The following SALL1 variants were observed in gnomAD, a reference collection of about 807,000 sequenced individuals.
SALL1 encodes the protein sal-like protein 1.
In SALL1, 10 loss-of-function variants were observed where a neutral mutation model predicts 73.1. The ratio of observed to expected loss-of-function variants is 0.14; its 90% CI spans 0.08 to 0.23. SALL1 has a LOEUF of 0.23. Among genes scored for constraint, SALL1 ranks in the 10% least tolerant of loss-of-function variants. The pLI is 1.00. For synonymous variants in SALL1, 688 were observed against 689.8 expected (o/e 1.00, Z 0.04); for missense variants, 1,520 against 1,697.3 (o/e 0.90, Z 1.84).
At chr16:51,147,790 C>CAT (rs1414616339) in intron 1 of SALL1, among the ~76,000 whole-genome samples, 8 of 151,764 alleles carry the variant, frequency 5.3e-5, no homozygotes, top group Non-Finnish European at 1.0e-4. Context: ...AACACACACA[C>CAT]ACACACACAC....
intron 1 of SALL1, among the ~76,000 whole-genome samples, chr16:51,149,041 A>T: frequency 6.6e-6 from 1 of 152,202 alleles, no homozygotes; most frequent in East Asian, 1.9e-4. Flanking sequence ...AGAAGGAGAG[A>T]AAAGAGAAAG....
Position 51,141,956 on chromosome 16 carries a change from G to A in SALL1, c.266C>T (p.Pro89Leu). Residue 89 changes from proline to leucine, a missense_variant, in exon 2 of 3, where the codon CCC (proline) becomes CTC (leucine). Coordinates refer to ENST00000251020, the MANE Select transcript of SALL1 (RefSeq NM_002968.3). This position sits in a 1 kb window ranked among gnomAD's most constrained non-coding sequence, Gnocchi z 5.4. ...ASPPETFSPS[P>L]PPDNPDEQMN... ...TTGTTCATCAGGATTATCAGGAGGG[G>A]GGCTGGGGGAGAAGGTTTCGGGTGG... is the stretch of plus-strand genomic sequence containing the variant. The A allele has an allele frequency of 6.2e-7, 1 of 1,613,992 alleles. No individual in the cohort carries two copies. Among genetic ancestry groups the A allele is most frequent in the South Asian group, 1.1e-5 (1 of 91,064 alleles).
Position 51,140,868 on chromosome 16 carries a change from T to C in SALL1, c.1354A>G (p.Arg452Gly), listed in dbSNP as rs1208527449. Residue 452 changes from arginine to glycine, a missense_variant, in exon 2 of 3, where the codon AGG (arginine) becomes GGG (glycine). Physicochemically the swap from Arg to Gly is moderately radical, Grantham distance 125. Transcript: ENST00000251020. This position sits in a 1 kb window ranked among gnomAD's most constrained non-coding sequence, Gnocchi z 5.7. ...CTCCCAAAGACCTTCGCGCAGAACC[T>C]GCACTTGTGTTTGAAGAATGCCTCA... ...SDEAFFKHKC[R>G]FCAKVFGSDS... 6.2e-7 allele frequency: 1 copy of C among 1,614,136 alleles called. No individual in the cohort carries two copies. Among genetic ancestry groups the C allele is most frequent in the Non-Finnish European group, 8.5e-7 (1 of 1,180,062 alleles).
chr16:51,141,270 G>T lies in SALL1; in HGVS notation c.952C>A (p.Pro318Thr), dbSNP rs752104341. 1 of 1,614,132 alleles carries T rather than the reference G, an allele frequency of 6.2e-7. No individual in the cohort carries two copies. The highest frequency in any genetic ancestry group is 8.5e-7 in the Non-Finnish European group (1 of 1,180,026). The change falls in exon 2 of 3, where the codon CCA (proline) becomes ACA (threonine). Residue 318 changes from proline (P) to threonine (T), a missense_variant. This residue lies in a region of SALL1 where 540 missense variants were observed against 567.5 expected (regional missense o/e 0.95). Transcript: ENST00000251020. The surrounding 1 kb of genome is among the most constrained non-coding windows in gnomAD (Gnocchi z 5.4). ...GAACTGCTCTGAGGTAGCTGGATTG[G>T]GGGTAGCTGTTTCACACCACTAATG... ...ASISGVKQLPPIQLPQSSSGN... is the reference protein window; with the variant it reads ...ASISGVKQLPTIQLPQSSSGN...
At position 51,141,914 on chromosome 16, in the gene SALL1, T is replaced by C; in HGVS notation, c.308A>G (p.Asn103Ser). The change falls in exon 2 of 3, where the codon AAC becomes AGC. Residue 103 changes from asparagine (N) to serine (S), a missense_variant. Asn to Ser is a conservative substitution (Grantham distance 46). Around this residue, in one of 7 missense-constraint regions of SALL1, gnomAD observed 540 missense variants for 567.5 expected, o/e 0.95. Coordinates refer to ENST00000251020, the MANE Select transcript of SALL1 (RefSeq NM_002968.3). The surrounding 1 kb of genome is among the most constrained non-coding windows in gnomAD (Gnocchi z 5.4). ...NPDEQMNDTV[N>S]KTDQVDCSDL... ...GCTGCAGTCCACTTGATCTGTTTTG[T>C]TAACTGTGTCATTCATTTGTTCATC... The C allele has an allele frequency of 1.2e-6, 2 of 1,614,026 alleles. No homozygotes were observed. The highest frequency in any genetic ancestry group is 1.7e-6 in the Non-Finnish European group (2 of 1,180,034).
In SALL1 at chr16:51,143,535, A is replaced by C. The variant is rs866166896; in HGVS notation, c.77-1390T>G. On this transcript the variant is annotated intron_variant, in intron 1 of 2. Transcript: ENST00000251020. ...TTGAATCTCCCAGAAAACTTGCAGAAAACAAAGTAATTGCAGATATGAATA... is the reference window on the plus strand; with the variant it reads ...TTGAATCTCCCAGAAAACTTGCAGACAACAAAGTAATTGCAGATATGAATA... The C allele has an allele frequency of 2.1e-4, 34 of 161,192 alleles. No homozygotes were observed. In the Middle Eastern group the frequency reaches 0.017, roughly 81 times the overall value. 10.0% of individuals were successfully genotyped at this position (161,192 alleles called of 1,614,324 possible).
rs864621971 is a variant in SALL1, at chr16:51,141,273, G to A, written c.949C>T (p.Pro317Ser). Residue 317 changes from proline to serine, a missense_variant, in exon 2 of 3, where the codon CCC (proline) becomes TCC (serine). Physicochemically the swap from Pro to Ser is moderately conservative, Grantham distance 74. Transcript: ENST00000251020. The surrounding 1 kb of genome is among the most constrained non-coding windows in gnomAD (Gnocchi z 5.4). ...SASISGVKQLPPIQLPQSSSG... is the reference protein window; with the variant it reads ...SASISGVKQLSPIQLPQSSSG... ...CTGCTCTGAGGTAGCTGGATTGGGGGTAGCTGTTTCACACCACTAATGCTG... is the reference window on the plus strand; with the variant it reads ...CTGCTCTGAGGTAGCTGGATTGGGGATAGCTGTTTCACACCACTAATGCTG... The A allele has an allele frequency of 5.6e-6, 9 of 1,614,138 alleles. No homozygotes were observed. The Admixed American group carries it at 6.7e-5, about 12-fold the overall frequency.
At position 51,141,663 on chromosome 16, in the gene SALL1, T is replaced by C. The variant is rs755097071; in HGVS notation, c.559A>G (p.Asn187Asp). The C allele has an allele frequency of 2.5e-6, 4 of 1,613,460 alleles. No homozygotes were observed. The South Asian group carries it at 4.4e-5, about 18-fold the overall frequency. Residue 187 changes from asparagine to aspartate, a missense_variant, in exon 2 of 3, where the codon AAC becomes GAC. Coordinates refer to ENST00000251020, the MANE Select transcript of SALL1 (RefSeq NM_002968.3). The surrounding 1 kb of genome is among the most constrained non-coding windows in gnomAD (Gnocchi z 5.4). ...PQLGDLTTLG[N>D]FSVINSNVII... ...ACGTTGCTGTTGATTACGGAGAAGT[T>C]GCCCAGTGTTGTCAGGTCCCCGAGT... is the stretch of plus-strand genomic sequence containing the variant.
chr16:51,140,518 G>A lies in SALL1; in HGVS notation c.1704C>T (p.Pro568=). 1 of 1,614,026 alleles carries A rather than the reference G, an allele frequency of 6.2e-7. No homozygotes were observed. Among genetic ancestry groups the A allele is most frequent in the Non-Finnish European group, 8.5e-7 (1 of 1,179,948 alleles). Residue 568 remains proline (P), a synonymous_variant, in exon 2 of 3, where the codon CCC becomes CCT. Coordinates refer to ENST00000251020, the MANE Select transcript of SALL1 (RefSeq NM_002968.3). This position sits in a 1 kb window ranked among gnomAD's most constrained non-coding sequence, Gnocchi z 5.7. ...PLPPTLPSLI[P]FIKTEEPAPI... is the part of the protein sequence containing the mutation. ...GGGCTGGCTCTTCCGTCTTGATGAA[G>A]GGTATGAGGCTTGGGAGGGTTGGGG...
Position 51,137,596 on chromosome 16 carries a change from GAA to G in SALL1, c.3535-46_3535-45del, listed in dbSNP as rs769426239. 13 of 1,331,144 alleles carry G rather than the reference GAA, an allele frequency of 9.8e-6. No individual in the cohort carries two copies. In the Admixed American group the frequency reaches 1.2e-4, roughly 12 times the overall value. The allele number at this position is 1,331,144 out of a possible 1,614,324, so 82.5% of individuals were successfully genotyped here. ...AGGCAGAGAGACAGAGAGAGAGAGA[GAA>G]AAAAAAGAGGAGGGGGAGAGAAGCT... On this transcript the variant is annotated intron_variant, in intron 2 of 2. Coordinates refer to ENST00000251020, the MANE Select transcript of SALL1 (RefSeq NM_002968.3).
intron 1 of SALL1, among the ~76,000 whole-genome samples, chr16:51,145,480 G>A (rs1271973990): frequency 6.6e-6 from 1 of 152,092 alleles, no homozygotes; most frequent in Non-Finnish European, 1.5e-5. Flanking sequence ...GGTTTTCTAA[G>A]TATGTGCACA....
Position 51,139,042 on chromosome 16 carries a change from G to C in SALL1, c.3180C>G (p.Leu1060=). 2 of 1,614,224 alleles carry C rather than the reference G, an allele frequency of 1.2e-6. No individual in the cohort carries two copies. Among genetic ancestry groups the C allele is most frequent in the Non-Finnish European group, 1.7e-6 (2 of 1,180,046 alleles). The change falls in exon 2 of 3, where the codon CTC becomes CTG. Residue 1060 remains leucine, a synonymous_variant. Coordinates refer to ENST00000251020, the MANE Select transcript of SALL1 (RefSeq NM_002968.3). ...THQMRDLPSQ[L]FEPSSNLGPN... ...GGCCAAGGTTGGAACTGGGCTCAAAGAGCTGGGATGGCAGATCTCGCATCT... is the reference window on the plus strand; with the variant it reads ...GGCCAAGGTTGGAACTGGGCTCAAACAGCTGGGATGGCAGATCTCGCATCT...
chr16:51,152,173 A>T (rs925404540), upstream of SALL1: 1 of 151,858 alleles, frequency 6.6e-6, no homozygotes, highest in Admixed American at 6.6e-5. Flanking sequence ...GGATCCAGGA[A>T]AGGTTTGGGA....
rs145285801 is a variant in SALL1, at chr16:51,147,780, A to AACACACACACACACACACAC, written c.76+3366_76+3385dup. On this transcript the variant is annotated intron_variant, in intron 1 of 2. Coordinates refer to ENST00000251020, the MANE Select transcript of SALL1 (RefSeq NM_002968.3). ...AAAACGCCACCAAAGGAAGAACTCC[A>AACACACACACACACACACAC]ACACACACACACACACACACACACA... 9.0e-3 allele frequency among the ~76,000 whole-genome samples: 1,313 copies of AACACACACACACACACACAC among 146,268 alleles called. 13 individuals carry two copies. Among genetic ancestry groups the AACACACACACACACACACAC allele is most frequent in the Non-Finnish European group, 0.014 (946 of 66,360 alleles).
rs1200702404 is a variant in SALL1, at chr16:51,140,324, G to A, written c.1898C>T (p.Ser633Leu). 4.3e-6 allele frequency: 7 copies of A among 1,614,126 alleles called. No individual in the cohort carries two copies. Among genetic ancestry groups the A allele is most frequent in the Non-Finnish European group, 5.9e-6 (7 of 1,180,030 alleles). ...GACGCTACTGCTCGCCGTCGGGACT[G>A]AGTTGGTGACCATGCCACTCTCTTC... ...KSEESGMVTN[S>L]VPTASSSVLS... Residue 633 changes from serine to leucine, a missense_variant, in exon 2 of 3, where the codon TCA (serine) becomes TTA (leucine). This residue lies in a region of SALL1 where 276 missense variants were observed against 259.1 expected (regional missense o/e 1.07). Transcript: ENST00000251020. This position sits in a 1 kb window ranked among gnomAD's most constrained non-coding sequence, Gnocchi z 5.7.
At position 51,141,061 on chromosome 16, in the gene SALL1, C is replaced by A. The variant is rs200170000; in HGVS notation, c.1161G>T (p.Ala387=). ...AFAISSLLSP[A]SNPLLPQQAS... ...CTTGCTGAGGTAGAAGTGGATTAGA[C>A]GCAGGACTTAATAAACTGCTTATTG... Residue 387 remains alanine, a synonymous_variant, in exon 2 of 3, where the codon GCG becomes GCT. Coordinates refer to ENST00000251020, the MANE Select transcript of SALL1 (RefSeq NM_002968.3). The surrounding 1 kb of genome is among the most constrained non-coding windows in gnomAD (Gnocchi z 5.4). The A allele has an allele frequency of 6.2e-7, 1 of 1,614,196 alleles. No homozygotes were observed. Among genetic ancestry groups the A allele is most frequent in the East Asian group, 2.2e-5 (1 of 44,882 alleles).
At chr16:51,150,604 G>T in intron 1 of SALL1, 1 of 985,548 alleles carries the variant, frequency 1.0e-6, no homozygotes. Flanking sequence ...AAAGACACCC[G>T]GTTCTGCCTC....
At chr16:51,145,952 T>TA (rs991078833) in intron 1 of SALL1, among the ~76,000 whole-genome samples, 216 of 152,130 alleles carry the variant, frequency 1.4e-3, no homozygotes, top group African/African-American at 5.0e-3. Flanking sequence ...TTCCTTTTTT[T>TA]ATCACAAACA....
intron 1 of SALL1, chr16:51,150,398 G>A (rs534329755): frequency 4.1e-6 from 4 of 985,492 alleles, no homozygotes; most frequent in South Asian, 9.4e-5. Flanking sequence ...ATTTTGGGGG[G>A]CAGAGGGTGC....
Sources: gnomAD v4.1 joint callset for allele counts (sites outside exome capture counted in the v4.1 genomes callset) on GRCh38, gnomAD v4.1.1 for gene constraint, gnomAD v4.1.1 regional missense constraint, Gnocchi (gnomAD v3.1) non-coding constraint, MANE v1.5 for transcripts, NCBI Gene and HGNC (gene_info 2026-07-23, HGNC 2026-07-21) for gene names.